The following IL19 variants were observed in gnomAD, a reference collection of about 807,000 sequenced individuals.
IL19 encodes interleukin 19, also known as interleukin-19.
A neutral mutation model predicts 19.5 loss-of-function variants in IL19; 15 were observed. The observed-to-expected ratio is 0.77, with a 90% CI of 0.52 to 1.19. The LOEUF (loss-of-function observed/expected upper bound fraction) is 1.19. Ranked by LOEUF, IL19 falls within the 50% of genes most tolerant of loss-of-function variation. The pLI, the probability that IL19 is intolerant of heterozygous loss-of-function variation, is 0.00. For missense variants in IL19, 199 were observed against 213.1 expected (o/e 0.93, Z 0.41); for synonymous variants, 78 against 78.3 (o/e 1.00, Z 0.02).
At chr1:206,832,375 C>T (rs1676635454) in intron 2 of IL19, among the ~76,000 whole-genome samples, 1 of 152,182 alleles carries the variant, frequency 6.6e-6, no homozygotes, top group South Asian at 2.1e-4. Flanking sequence ...TGTCTATAGA[C>T]CTAATGCATT....
At chr1:206,822,682 G>A (rs1249423712) in intron 2 of IL19, among the ~76,000 whole-genome samples, 1 of 152,208 alleles carries the variant, frequency 6.6e-6, no homozygotes, top group African/African-American at 2.4e-5. Flanking sequence ...TGACTGGTAA[G>A]AGTGATCATG....
chr1:206,784,323 GT>G (rs1326893944), intron 1 of IL19, among the ~76,000 whole-genome samples: 1 of 152,128 alleles, frequency 6.6e-6, no homozygotes, highest in Non-Finnish European at 1.5e-5. Context: ...TGCCCCTTCT[GT>G]TCCCCTCGGC....
chr1:206,812,730 CAT>C (rs1259739838), intron 2 of IL19, among the ~76,000 whole-genome samples: 2 of 152,120 alleles, frequency 1.3e-5, no homozygotes, highest in African/African-American at 4.8e-5. Flanking sequence ...GCAAAGGAAA[CAT>C]AAAATAGGCA....
chr1:206,822,890 G>C (rs150561398), intron 2 of IL19, among the ~76,000 whole-genome samples: 1 of 152,110 alleles, frequency 6.6e-6, no homozygotes, highest in African/African-American at 2.4e-5. Flanking sequence ...GGGGGTTAGG[G>C]TCTAGGGTTA....
At chr1:206,826,774 C>T (rs958388495) in intron 2 of IL19, among the ~76,000 whole-genome samples, 1 of 152,252 alleles carries the variant, frequency 6.6e-6, no homozygotes, top group Non-Finnish European at 1.5e-5. Context: ...GGGAAGGACA[C>T]TCTCAAGCCA....
chr1:206,818,043 C>A (rs1253059004), intron 2 of IL19, among the ~76,000 whole-genome samples: 2 of 152,088 alleles, frequency 1.3e-5, no homozygotes, highest in African/African-American at 4.8e-5. Context: ...GGATTGCAGG[C>A]GTGAGCCACC....
chr1:206,779,843 G>A (rs1675090417), intron 1 of IL19, among the ~76,000 whole-genome samples: 1 of 147,446 alleles, frequency 6.8e-6, no homozygotes, highest in South Asian at 2.1e-4. Context: ...TGATCCGCAT[G>A]CTCTCTCTCT....
intron 2 of IL19, chr1:206,833,901 G>A: frequency 1.0e-6 from 1 of 985,536 alleles, no homozygotes. Flanking sequence ...GACACTCATA[G>A]CTGCCTAAGG....
At chr1:206,801,126 C>A (rs1675670341) in intron 2 of IL19, among the ~76,000 whole-genome samples, 1 of 149,598 alleles carries the variant, frequency 6.7e-6, no homozygotes, top group South Asian at 2.1e-4. Flanking sequence ...CTAAATTTTG[C>A]AATTGAATTT....
chr1:206,774,153 G>A (rs550319377), intron 1 of IL19, among the ~76,000 whole-genome samples: 2 of 152,342 alleles, frequency 1.3e-5, no homozygotes, highest in East Asian at 3.9e-4. Context: ...TGGGAGGGAG[G>A]GATGAGAGGG....
intron 2 of IL19, among the ~76,000 whole-genome samples, chr1:206,801,800 C>A (rs555801164): frequency 1.3e-5 from 2 of 152,192 alleles, no homozygotes; most frequent in Non-Finnish European, 2.9e-5. Context: ...ATCTCTATAT[C>A]CCTGGTCATG....
At chr1:206,790,030 T>C (rs1298055627) in intron 1 of IL19, among the ~76,000 whole-genome samples, 1 of 152,246 alleles carries the variant, frequency 6.6e-6, no homozygotes, top group Non-Finnish European at 1.5e-5. Flanking sequence ...TATAGTGACT[T>C]CTTTTCCTTT....
At chr1:206,789,695 A>G (rs1675348413) in intron 1 of IL19, among the ~76,000 whole-genome samples, 1 of 152,056 alleles carries the variant, frequency 6.6e-6, no homozygotes, top group South Asian at 2.1e-4. Context: ...TATTAAGCCT[A>G]GTACCCATTA....
At chr1:206,773,543 T>C (rs1263484331) in intron 1 of IL19, among the ~76,000 whole-genome samples, 1 of 151,754 alleles carries the variant, frequency 6.6e-6, no homozygotes, top group East Asian at 1.9e-4. Context: ...TACCTATCCC[T>C]ACTTCCCCTT....
At chr1:206,841,416 G>A (rs745468215) in intron 6 of IL19, among the ~76,000 whole-genome samples, 2 of 152,210 alleles carry the variant, frequency 1.3e-5, no homozygotes, top group Non-Finnish European at 2.9e-5. Context: ...CGCCTGAAAC[G>A]TGTTACCTGC....
At chr1:206,778,861 T>G (rs1437630193) in intron 1 of IL19, among the ~76,000 whole-genome samples, 3 of 152,192 alleles carry the variant, frequency 2.0e-5, no homozygotes, top group African/African-American at 4.8e-5. Flanking sequence ...AACCTCCACA[T>G]TTTTCTTCAT....
At chr1:206,794,714 G>A (rs1488942202) in intron 1 of IL19, among the ~76,000 whole-genome samples, 1 of 152,110 alleles carries the variant, frequency 6.6e-6, no homozygotes, top group Non-Finnish European at 1.5e-5. Context: ...TGGGTGTGTG[G>A]CAATGGAAAG....
intron 2 of IL19, among the ~76,000 whole-genome samples, chr1:206,810,047 C>A (rs989229533): frequency 1.3e-5 from 2 of 152,192 alleles, no homozygotes; most frequent in African/African-American, 4.8e-5. Flanking sequence ...CGGATCTCAC[C>A]CTTCTTTGGG....
At position 206,770,916 on chromosome 1, in the gene IL19, T is replaced by C. The variant is rs952642115; in HGVS notation, c.-311T>C. 1.5e-5 allele frequency: 25 copies of C among 1,614,128 alleles called. No individual in the cohort carries two copies. The highest frequency in any genetic ancestry group is 2.1e-5 in the Non-Finnish European group (25 of 1,180,012). ...CTGATCTGCTACTTACACAGCGCCG[T>C]AGCCTCAGCCTGAGGGTCTTCAGGT... On this transcript the variant is annotated 5_prime_UTR_variant, in exon 1 of 7. Coordinates refer to ENST00000659997, the MANE Select transcript of IL19 (RefSeq NM_153758.5).
Sources: gnomAD v4.1 joint callset for allele counts (sites outside exome capture counted in the v4.1 genomes callset) on GRCh38, gnomAD v4.1.1 for gene constraint, MANE v1.5 for transcripts, NCBI Gene and HGNC (gene_info 2026-07-23, HGNC 2026-07-21) for gene names.